Variants in DPP10 observed in about 807,000 individuals in gnomAD.
DPP10 encodes inactive dipeptidyl peptidase 10.
DPP10 carries 33 observed loss-of-function variants against 120.9 expected under a neutral mutation model. That is an observed-to-expected ratio of 0.27 (90% confidence interval 0.21 to 0.37). The LOEUF is 0.37. DPP10 is among the 10% of genes least tolerant of loss of function. The pLI is 1.00. For synonymous variants in DPP10, 337 were observed against 326.1 expected (o/e 1.03, Z -0.36); for missense variants, 816 against 942.8 (o/e 0.87, Z 1.76).
chr2:114,867,352 A>G (rs527760703), intron 1 of DPP10, among the ~76,000 whole-genome samples: 1 of 152,242 alleles, frequency 6.6e-6, no homozygotes, highest in African/African-American at 2.4e-5. Flanking sequence ...TCTTCATTTT[A>G]GTTTTCAGAA....
chr2:115,739,636 C>T, intron 8 of DPP10, 103 bp from the exon 9 acceptor site: 2 of 1,220,104 alleles, frequency 1.6e-6, no homozygotes, highest in Non-Finnish European at 2.3e-6. Context: ...AATACACAGT[C>T]TAGAAAATAT....
At chr2:115,530,891 G>A (rs920916386) in intron 5 of DPP10, among the ~76,000 whole-genome samples, 1 of 152,136 alleles carries the variant, frequency 6.6e-6, no homozygotes. Flanking sequence ...TGCAGCTAGG[G>A]TTGAAGACCA....
chr2:115,104,738 T>C (rs758844387), intron 1 of DPP10, among the ~76,000 whole-genome samples: 4 of 152,336 alleles, frequency 2.6e-5, no homozygotes, highest in East Asian at 3.9e-4. Flanking sequence ...CCAGGCGCGG[T>C]GGCTCATGCC....
intron 1 of DPP10, among the ~76,000 whole-genome samples, chr2:114,964,738 A>C (rs1698882855): frequency 6.6e-6 from 1 of 152,182 alleles, no homozygotes; most frequent in Non-Finnish European, 1.5e-5. Flanking sequence ...TGGAACCTTT[A>C]GGGTCATGGT....
At chr2:115,274,292 C>G (rs546053346) in intron 1 of DPP10, among the ~76,000 whole-genome samples, 4 of 151,930 alleles carry the variant, frequency 2.6e-5, no homozygotes, top group Non-Finnish European at 5.9e-5. Flanking sequence ...TATTATGAAC[C>G]CTGTCGTTTC....
At chr2:114,451,094 A>AT (rs35588145) in intron 1 of DPP10, among the ~76,000 whole-genome samples, 19,679 of 150,190 alleles carry the variant, frequency 0.13, 1,508 homozygotes, top group East Asian at 0.38. Flanking sequence ...CCTTTATTTG[A>AT]TTTTTTTTTT....
intron 1 of DPP10, chr2:115,064,942 C>A (rs1706721470): frequency 4.2e-6 from 3 of 722,414 alleles, no homozygotes; most frequent in South Asian, 2.0e-5. Flanking sequence ...TCATCATAGG[C>A]CTAATAGTTG....
chr2:115,298,092 T>C (rs2060969413), intron 1 of DPP10, among the ~76,000 whole-genome samples: 1 of 152,090 alleles, frequency 6.6e-6, no homozygotes, highest in East Asian at 1.9e-4. Context: ...AATCTGAGCT[T>C]AGTGCTTCAG....
chr2:115,580,884 T>A (rs184252572), intron 5 of DPP10, among the ~76,000 whole-genome samples: 1 of 152,342 alleles, frequency 6.6e-6, no homozygotes, highest in Admixed American at 6.5e-5. Context: ...TATTCCTGTT[T>A]AGCAACCCAG....
intron 3 of DPP10, among the ~76,000 whole-genome samples, chr2:115,492,869 T>G (rs918036813): frequency 3.3e-5 from 5 of 152,090 alleles, no homozygotes; most frequent in Non-Finnish European, 7.4e-5. Context: ...GCACAGGAGT[T>G]CAGAAGAGAG....
Position 115,080,976 on chromosome 2 carries a change from C to A in DPP10, c.61-228263C>A, listed in dbSNP as rs1190547480. Reference sequence around the variant, plus strand: ...GACTTTGTTGCTGTTGAGAAGTTAGCCATCAGTCAAATTCTTGCTCCTTTG... The same window carrying A: ...GACTTTGTTGCTGTTGAGAAGTTAGACATCAGTCAAATTCTTGCTCCTTTG... On this transcript the variant is annotated intron_variant, in intron 1 of 25. Coordinates refer to ENST00000410059, the MANE Select transcript of DPP10 (RefSeq NM_020868.6). 2.0e-5 allele frequency among the ~76,000 whole-genome samples: 3 copies of A among 152,188 alleles called. No homozygotes were observed. The East Asian group carries it at 5.8e-4, about 29-fold the overall frequency.
intron 1 of DPP10, among the ~76,000 whole-genome samples, chr2:114,800,783 A>G (rs948589639): frequency 1.3e-4 from 20 of 152,254 alleles, no homozygotes; most frequent in African/African-American, 4.8e-4. Flanking sequence ...CAGAATTTGA[A>G]CCCAGGTCTT....
intron 1 of DPP10, among the ~76,000 whole-genome samples, chr2:114,842,945 G>A (rs1191524688): frequency 6.6e-6 from 1 of 152,098 alleles, no homozygotes; most frequent in Non-Finnish European, 1.5e-5. Context: ...ATTTGGGAAT[G>A]AGGCACTGCC....
chr2:115,452,021 A>G (rs1451900060), intron 3 of DPP10, among the ~76,000 whole-genome samples: 1 of 151,896 alleles, frequency 6.6e-6, no homozygotes, highest in East Asian at 1.9e-4. Flanking sequence ...TTGTCAACAG[A>G]TGGGAGCCAG....
At chr2:114,758,487 T>G (rs772121071) in intron 1 of DPP10, among the ~76,000 whole-genome samples, 3 of 152,204 alleles carry the variant, frequency 2.0e-5, no homozygotes, top group African/African-American at 7.2e-5. Context: ...ATTGCGTAGC[T>G]TCTGAGTAAG....
chr2:115,052,808 C>T (rs972555172), intron 1 of DPP10, among the ~76,000 whole-genome samples: 10 of 152,066 alleles, frequency 6.6e-5, no homozygotes, highest in Middle Eastern at 3.4e-3. Context: ...AAAAATTAGC[C>T]GGACGCGGTG....
At chr2:114,594,547 T>G (rs1036123046) in intron 1 of DPP10, among the ~76,000 whole-genome samples, 1 of 147,460 alleles carries the variant, frequency 6.8e-6, no homozygotes, top group African/African-American at 2.5e-5. Flanking sequence ...ATATATTATA[T>G]ATACATATAT....
intron 8 of DPP10, among the ~76,000 whole-genome samples, chr2:115,736,771 C>T (rs939991088): frequency 2.0e-5 from 3 of 152,166 alleles, no homozygotes; most frequent in African/African-American, 7.2e-5. Flanking sequence ...CTACCATTGG[C>T]AGGTAATGGT....
chr2:115,406,008 C>T (rs190722537), intron 3 of DPP10, among the ~76,000 whole-genome samples: 8 of 152,300 alleles, frequency 5.3e-5, no homozygotes, highest in Non-Finnish European at 8.8e-5. Flanking sequence ...GTTGCTGTAC[C>T]GCACCCTTGG....
Sources: gnomAD v4.1 joint callset for allele counts (sites outside exome capture counted in the v4.1 genomes callset) on GRCh38, gnomAD v4.1.1 for gene constraint, MANE v1.5 for transcripts, NCBI Gene and HGNC (gene_info 2026-07-23, HGNC 2026-07-21) for gene names.